The following BMPR2 variants were observed in gnomAD, a reference collection of about 807,000 sequenced individuals.
BMPR2 encodes bone morphogenetic protein receptor type 2.
Under a neutral mutation model 100.8 loss-of-function variants are expected in BMPR2, and 29 were observed. The ratio of observed to expected loss-of-function variants is 0.29; its 90% confidence interval spans 0.21 to 0.39. BMPR2 has a LOEUF of 0.39. Ranked by LOEUF, BMPR2 falls within the 10% of genes least tolerant of loss-of-function variation. BMPR2 has a pLI of 1.00. For missense variants in BMPR2, 1,011 were observed against 1,274.5 expected (o/e 0.79, Z 3.15); for synonymous variants, 382 against 442.3 (o/e 0.86, Z 1.71).
At chr2:202,421,941 G>T (rs1019978738) in intron 1 of BMPR2, among the ~76,000 whole-genome samples, 2 of 152,052 alleles carry the variant, frequency 1.3e-5, no homozygotes, top group Admixed American at 6.6e-5. Context: ...ATGGAGTCTC[G>T]CTCTATTGCC....
At chr2:202,444,668 T>G (rs1423288704) in intron 1 of BMPR2, among the ~76,000 whole-genome samples, 1 of 150,886 alleles carries the variant, frequency 6.6e-6, no homozygotes, top group African/African-American at 2.5e-5. Context: ...GATGGAATGA[T>G]CCATTGTTTT....
chr2:202,517,465 G>T (rs1242254345), intron 5 of BMPR2, among the ~76,000 whole-genome samples: 1 of 151,268 alleles, frequency 6.6e-6, no homozygotes, highest in East Asian at 2.0e-4. Flanking sequence ...CTTTATGCAA[G>T]TATTTAAGTC....
chr2:202,438,083 G>C (rs1216076318), intron 1 of BMPR2, among the ~76,000 whole-genome samples: 1 of 150,214 alleles, frequency 6.7e-6, no homozygotes, highest in Non-Finnish European at 1.5e-5. Flanking sequence ...GGAGGTGAAG[G>C]TGGGCGGATC....
intron 3 of BMPR2, among the ~76,000 whole-genome samples, chr2:202,500,714 G>C (rs1687368809): frequency 6.6e-6 from 1 of 152,212 alleles, no homozygotes; most frequent in African/African-American, 2.4e-5. Context: ...GTGGAGTCTA[G>C]TGCAAGATCT....
chr2:202,499,886 A>G (rs562298919), intron 3 of BMPR2, among the ~76,000 whole-genome samples: 2 of 152,228 alleles, frequency 1.3e-5, no homozygotes, highest in African/African-American at 4.8e-5. Context: ...CAGAGAGGAC[A>G]GAAAATGGAG....
At position 202,532,871 on chromosome 2, in the gene BMPR2, G is replaced by C. The variant is rs1688054787; in HGVS notation, c.1276+139G>C. 2 of 1,058,278 alleles carry C rather than the reference G, an allele frequency of 1.9e-6. No individual in the cohort carries two copies. The highest frequency in any genetic ancestry group is 3.2e-5 in the South Asian group (2 of 62,476). The allele number at this position is 1,058,278 out of a possible 1,614,324, so 65.6% of individuals were successfully genotyped here. A position where few individuals can be genotyped will look rare whatever the true frequency, so the allele number is the denominator to read the frequency against. ...AACCTTTAGTTCATTGCTATCTAGT[G>C]TTTAGAAACATTATTAGCAGCAGGA... On this transcript the variant is annotated intron_variant, in intron 9 of 12. Transcript: ENST00000374580. This position sits in a 1 kb window ranked among gnomAD's most constrained non-coding sequence, Gnocchi z 4.1.
intron 1 of BMPR2, among the ~76,000 whole-genome samples, chr2:202,387,298 C>T (rs1690448625): frequency 6.6e-6 from 1 of 152,188 alleles, no homozygotes. Context: ...CATTTCTCAT[C>T]TTTAGTATAG....
intron 1 of BMPR2, among the ~76,000 whole-genome samples, chr2:202,440,563 G>T (rs962737165): frequency 1.3e-5 from 2 of 150,568 alleles, no homozygotes; most frequent in African/African-American, 2.5e-5. Flanking sequence ...CCCAGACGGG[G>T]TGGCGGCCGG....
chr2:202,395,728 G>A (rs965025260), intron 1 of BMPR2, among the ~76,000 whole-genome samples: 1 of 152,150 alleles, frequency 6.6e-6, no homozygotes. Context: ...CTGAGGTTGG[G>A]AGTTCGAGAC....
chr2:202,386,998 A>G (rs373014905), intron 1 of BMPR2, among the ~76,000 whole-genome samples: 1 of 152,116 alleles, frequency 6.6e-6, no homozygotes. Context: ...CTTTTCATAC[A>G]TAAGTTAGAT....
chr2:202,504,601 C>T (rs1234316406), intron 3 of BMPR2, among the ~76,000 whole-genome samples: 3 of 152,024 alleles, frequency 2.0e-5, no homozygotes, highest in African/African-American at 7.3e-5. Context: ...ACCAAGAACC[C>T]ACCAATTCCG....
chr2:202,390,254 T>A (rs1036267396), intron 1 of BMPR2, among the ~76,000 whole-genome samples: 1 of 152,076 alleles, frequency 6.6e-6, no homozygotes, highest in African/African-American at 2.4e-5. Flanking sequence ...AATCTTGAAA[T>A]GAACTGCTAG....
Position 202,532,909 on chromosome 2 carries a change from A to T in BMPR2, c.1276+177A>T, listed in dbSNP as rs1559067106. Reference sequence around the variant, plus strand: ...ATTAGCAGCAGGATGCAAATTAGGAATTTTTTTTTTTAGAGTACTCCAGGT... The same window carrying T: ...ATTAGCAGCAGGATGCAAATTAGGATTTTTTTTTTTTAGAGTACTCCAGGT... On this transcript the variant is annotated intron_variant, in intron 9 of 12. Transcript: ENST00000374580. This position sits in a 1 kb window ranked among gnomAD's most constrained non-coding sequence, Gnocchi z 4.1. Among the ~76,000 whole-genome samples, 1 of 148,442 alleles carries T rather than the reference A, an allele frequency of 6.7e-6. No homozygotes were observed. Among genetic ancestry groups the T allele is most frequent in the East Asian group, 2.0e-4 (1 of 5,098 alleles).
chr2:202,485,788 G>A (rs1045613588), intron 3 of BMPR2, among the ~76,000 whole-genome samples: 3 of 151,512 alleles, frequency 2.0e-5, no homozygotes, highest in South Asian at 2.1e-4. Flanking sequence ...CAAGTGATTC[G>A]CCCGCCTGGG....
At position 202,495,198 on chromosome 2, in the gene BMPR2, C is replaced by T. The variant is rs1226439804; in HGVS notation, c.419-18521C>T. 3.9e-5 allele frequency among the ~76,000 whole-genome samples: 6 copies of T among 152,200 alleles called. No homozygotes were observed. Among genetic ancestry groups the T allele is most frequent in the Admixed American group, 3.3e-4 (5 of 15,278 alleles). ...GAGGGATTTCTGTATCCCAGGGTTT[C>T]CTGCCTTGGTGTACGGGAAGAGTCG... On this transcript the variant is annotated intron_variant, in intron 3 of 12. Transcript: ENST00000374580. The surrounding 1 kb of genome is among the most constrained non-coding windows in gnomAD (Gnocchi z 4.5).
At chr2:202,471,408 A>G (rs1692434602) in intron 3 of BMPR2, among the ~76,000 whole-genome samples, 1 of 152,204 alleles carries the variant, frequency 6.6e-6, no homozygotes, top group Non-Finnish European at 1.5e-5. Flanking sequence ...TCTCAAGGGA[A>G]AAGTTAGTAA....
chr2:202,555,748 G>A lies in BMPR2; in HGVS notation c.2083G>A (p.Gly695Ser). Reference protein sequence around the residue: ...LMEHSLKQFSGPDPLSSTSSS... With the variant: ...LMEHSLKQFSSPDPLSSTSSS... ...GGAGCACTCTCTTAAACAGTTCAGT[G>A]GCCCAGACCCACTGAGCAGTACTAG... Residue 695 changes from glycine (G) to serine (S), a missense_variant, in exon 12 of 13, where the codon GGC becomes AGC. Around this residue, in one of 6 missense-constraint regions of BMPR2, gnomAD observed 508 missense variants for 552.0 expected, o/e 0.92. Transcript: ENST00000374580. The A allele has an allele frequency of 6.2e-7, 1 of 1,614,084 alleles. No individual in the cohort carries two copies. Among genetic ancestry groups the A allele is most frequent in the Non-Finnish European group, 8.5e-7 (1 of 1,180,038 alleles).
intron 9 of BMPR2, among the ~76,000 whole-genome samples, chr2:202,537,591 A>T (rs1259385019): frequency 6.6e-6 from 1 of 152,154 alleles, no homozygotes; most frequent in East Asian, 1.9e-4. Flanking sequence ...AGAAATGGTT[A>T]GTAGTAATGG....
chr2:202,461,734 G>T (rs1692228325), intron 1 of BMPR2, among the ~76,000 whole-genome samples: 1 of 152,018 alleles, frequency 6.6e-6, no homozygotes, highest in Non-Finnish European at 1.5e-5. Context: ...TTGAGAATAA[G>T]AATTGACTGG....
Sources: allele counts gnomAD v4.1 joint callset (sites outside exome capture counted in the v4.1 genomes callset), GRCh38; gene constraint gnomAD v4.1.1; regional missense constraint gnomAD v4.1.1; non-coding constraint Gnocchi (gnomAD v3.1); transcripts MANE v1.5; gene names NCBI Gene and HGNC (gene_info 2026-07-23, HGNC 2026-07-21).